Variants in ASAP3 observed in about 807,000 individuals in gnomAD.
The protein encoded by ASAP3 is ArfGAP with SH3 domain, ankyrin repeat and PH domain 3.
Under a neutral mutation model 118.2 loss-of-function variants are expected in ASAP3, and 85 were observed. The observed-to-expected ratio is 0.72, with a 90% CI of 0.60 to 0.86. The LOEUF (loss-of-function observed/expected upper bound fraction) is 0.86, where lower values mean the gene tolerates loss of function less well. ASAP3 is among the 40% of genes least tolerant of loss of function. ASAP3 has a pLI of 0.00. For missense variants in ASAP3, 1,026 were observed against 1,175.0 expected, an observed-to-expected ratio of 0.87 and a Z score of 1.85; for synonymous variants, 432 against 477.4, an observed-to-expected ratio of 0.90 and a Z score of 1.24.
chr1:23,445,663 A>C (rs1641026258), intron 5 of ASAP3, among the ~76,000 whole-genome samples: 1 of 152,178 alleles, frequency 6.6e-6, no homozygotes, highest in South Asian at 2.1e-4. Context: ...ATATATAGAA[A>C]TATCATGCAG....
intron 1 of ASAP3, among the ~76,000 whole-genome samples, chr1:23,468,366 C>G (rs1641843930): frequency 6.6e-6 from 1 of 152,104 alleles, no homozygotes; most frequent in African/African-American, 2.4e-5. Context: ...GACACAGAAC[C>G]CTTTAAAAGC....
intron 1 of ASAP3, among the ~76,000 whole-genome samples, chr1:23,463,270 T>C (rs1641654992): frequency 1.3e-5 from 2 of 152,162 alleles, no homozygotes; most frequent in Admixed American, 6.5e-5. Flanking sequence ...TAATTACTCC[T>C]TTCTCAAGAA....
rs1437383328 is a variant in ASAP3, at chr1:23,438,050, C to T, written c.1103-578G>A. On this transcript the variant is annotated intron_variant, in intron 12 of 24. Transcript: ENST00000336689. The surrounding 1 kb of genome is among the most constrained non-coding windows in gnomAD (Gnocchi z 4.9). ...CATGAACCCTCCACTCTGGCCAAAC[C>T]GGCCAGACCCACTCTCCTGCTTCCA... Among the ~76,000 whole-genome samples, 3 of 152,294 alleles carry T rather than the reference C, an allele frequency of 2.0e-5. No individual in the cohort carries two copies. The highest frequency in any genetic ancestry group is 2.1e-4 in the South Asian group (1 of 4,824).
intron 5 of ASAP3, among the ~76,000 whole-genome samples, chr1:23,446,143 G>T (rs1641040535): frequency 6.6e-6 from 1 of 152,164 alleles, no homozygotes; most frequent in Non-Finnish European, 1.5e-5. Flanking sequence ...GATAATGAGG[G>T]ATGACTGTAC....
intron 19 of ASAP3, 103 bp from the exon 20 acceptor site, chr1:23,433,796 T>C (rs997229820): frequency 1.1e-4 from 163 of 1,466,124 alleles, no homozygotes; most frequent in Non-Finnish European, 1.5e-4. Flanking sequence ...GTTTGAATCC[T>C]GGCTCTGCCA....
intron 1 of ASAP3, among the ~76,000 whole-genome samples, chr1:23,461,676 C>CACA (rs1558163213): frequency 8.2e-6 from 1 of 121,462 alleles, no homozygotes. Flanking sequence ...CACCCCCCCA[C>CACA]AAAAAAAAAA....
At chr1:23,470,194 A>C (rs1403351027) in intron 1 of ASAP3, among the ~76,000 whole-genome samples, 3 of 152,128 alleles carry the variant, frequency 2.0e-5, no homozygotes, top group Non-Finnish European at 4.4e-5. Context: ...AACAGACACG[A>C]GCTCTAAATC....
chr1:23,437,100 C>CGGG lies in ASAP3; in HGVS notation c.1342+29_1342+30insCCC, dbSNP rs752304315. The CGGG allele has an allele frequency of 6.2e-7, 1 of 1,600,594 alleles. No homozygotes were observed. Among genetic ancestry groups the CGGG allele is most frequent in the Non-Finnish European group, 8.5e-7 (1 of 1,173,192 alleles). ...TGCAGCCCCTCCCCTCCACTTAAGC[C>CGGG]TCCCTCCTGCCCCGGCCCCGGGGAC... On this transcript the variant is annotated intron_variant, in intron 14 of 24. Coordinates refer to ENST00000336689, the MANE Select transcript of ASAP3 (RefSeq NM_017707.4). This position sits in a 1 kb window ranked among gnomAD's most constrained non-coding sequence, Gnocchi z 6.1.
chr1:23,448,302 TG>T (rs1641109173), intron 5 of ASAP3, among the ~76,000 whole-genome samples: 1 of 152,190 alleles, frequency 6.6e-6, no homozygotes, highest in Non-Finnish European at 1.5e-5. Flanking sequence ...CACGCTTAGG[TG>T]GCAGGGATTC....
At position 23,436,282 on chromosome 1, in the gene ASAP3, C is replaced by T. The variant is rs1052762157; in HGVS notation, c.1572-254G>A. 7.9e-5 allele frequency among the ~76,000 whole-genome samples: 12 copies of T among 152,236 alleles called. No homozygotes were observed. The highest frequency in any genetic ancestry group is 2.7e-4 in the African/African-American group (11 of 41,448). On this transcript the variant is annotated intron_variant, in intron 16 of 24. Coordinates refer to ENST00000336689, the MANE Select transcript of ASAP3 (RefSeq NM_017707.4). The surrounding 1 kb of genome is among the most constrained non-coding windows in gnomAD (Gnocchi z 4.2). Reference sequence around the variant, plus strand: ...GGTTCAAGCAATTCTAGTGCCTCAACCTCCTGAGTAGCTGGAATTACAGGC... The same window carrying T: ...GGTTCAAGCAATTCTAGTGCCTCAATCTCCTGAGTAGCTGGAATTACAGGC...
chr1:23,457,394 G>C (rs1312274990), intron 1 of ASAP3, among the ~76,000 whole-genome samples: 1 of 152,226 alleles, frequency 6.6e-6, no homozygotes, highest in African/African-American at 2.4e-5. Flanking sequence ...CATGCATAGG[G>C]CAGAACTCAG....
chr1:23,441,882 C>G, intron 7 of ASAP3, 152 bp from the exon 8 acceptor site: 3 of 799,878 alleles, frequency 3.8e-6, no homozygotes, highest in Non-Finnish European at 6.0e-6. Context: ...AGACAAGAGT[C>G]TCTCTTGACT....
At chr1:23,473,485 A>G (rs1642023667) in intron 1 of ASAP3, among the ~76,000 whole-genome samples, 1 of 152,186 alleles carries the variant, frequency 6.6e-6, no homozygotes. Flanking sequence ...TCACTCCCTC[A>G]TCTGCCCTGG....
Position 23,431,880 on chromosome 1 carries a change from C to T in ASAP3, c.2362G>A (p.Glu788Lys), listed in dbSNP as rs749681544. 3 of 1,608,954 alleles carry T rather than the reference C, an allele frequency of 1.9e-6. No individual in the cohort carries two copies. Among genetic ancestry groups the T allele is most frequent in the Non-Finnish European group, 2.5e-6 (3 of 1,178,570 alleles). ...EVSSLSSEAP[E>K]TPESLGSPAS... is the part of the protein sequence containing the mutation. Reference sequence around the variant, plus strand: ...GGACTGCCCAGGCTCTCAGGGGTCTCAGGGGCCTCTGAACTCAGGCTGGAG... The same window carrying T: ...GGACTGCCCAGGCTCTCAGGGGTCTTAGGGGCCTCTGAACTCAGGCTGGAG... Residue 788 changes from glutamate to lysine, a missense_variant, in exon 23 of 25, where the codon GAG becomes AAG. Glu to Lys is a moderately conservative substitution (Grantham distance 56). Transcript: ENST00000336689.
intron 4 of ASAP3, among the ~76,000 whole-genome samples, chr1:23,452,474 T>TA (rs913702533): frequency 6.6e-5 from 10 of 152,076 alleles, no homozygotes; most frequent in African/African-American, 2.4e-4. Flanking sequence ...AGGATGGTTG[T>TA]AAGATTTACA....
At chr1:23,442,681 C>CAT (rs763798649) in intron 5 of ASAP3, 69 bp from the exon 6 acceptor site, 3 of 1,560,058 alleles carry the variant, frequency 1.9e-6, no homozygotes, top group Non-Finnish European at 2.6e-6. Flanking sequence ...GCCAAGGATG[C>CAT]ATGAGCAAAG....
intron 5 of ASAP3, among the ~76,000 whole-genome samples, chr1:23,443,802 C>T (rs1018124191): frequency 6.6e-6 from 1 of 151,930 alleles, no homozygotes; most frequent in Non-Finnish European, 1.5e-5. Context: ...CTCACTGCAA[C>T]CTCGGCCTCC....
chr1:23,432,313 C>A (rs1016135724), intron 22 of ASAP3, among the ~76,000 whole-genome samples: 1 of 152,148 alleles, frequency 6.6e-6, no homozygotes, highest in African/African-American at 2.4e-5. Flanking sequence ...GGCCTAGGAT[C>A]TCTTCTGGTT....
chr1:23,480,420 T>C (rs1322499056), intron 1 of ASAP3, among the ~76,000 whole-genome samples: 1 of 152,140 alleles, frequency 6.6e-6, no homozygotes, highest in African/African-American at 2.4e-5. Flanking sequence ...TCCCTTGTCC[T>C]CTCCGATAAA....
Sources: gnomAD v4.1 joint callset for allele counts (sites outside exome capture counted in the v4.1 genomes callset) on GRCh38, gnomAD v4.1.1 for gene constraint, Gnocchi (gnomAD v3.1) non-coding constraint, MANE v1.5 for transcripts, NCBI Gene and HGNC (gene_info 2026-07-23, HGNC 2026-07-21) for gene names.